ITGA4: variants seen among roughly 807,000 people sequenced by gnomAD.
ITGA4 encodes integrin alpha-4.
Under a neutral mutation model 133.6 loss-of-function variants are expected in ITGA4, and 63 were observed. That is an observed-to-expected ratio of 0.47 (90% CI 0.38 to 0.58). ITGA4 has a LOEUF of 0.58. Among genes scored for constraint, ITGA4 ranks in the 20% least tolerant of loss-of-function variants. The pLI is 0.00. For missense variants in ITGA4, 1,076 were observed against 1,252.7 expected (o/e 0.86, Z 2.13); for synonymous variants, 483 against 438.0 (o/e 1.10, Z -1.28).
rs76334388 is a variant in ITGA4 at position 181,497,723 on chromosome 2, A to T, written c.1541-900A>T. ...AATTACATAAATTCTTTAAACTATC[A>T]CTTATGAATTATTGCCTCTATGTAG... On this transcript the variant is annotated intron_variant, in intron 14 of 27. Transcript: ENST00000397033. 3.4e-3 allele frequency among the ~76,000 whole-genome samples: 516 copies of T among 152,278 alleles called. 2 individuals are homozygous for T. Among genetic ancestry groups the T allele is most frequent in the Non-Finnish European group, 6.1e-3 (418 of 67,998 alleles).
intron 2 of ITGA4, among the ~76,000 whole-genome samples, chr2:181,459,569 A>G (rs1006326613): frequency 2.0e-5 from 3 of 152,240 alleles, no homozygotes; most frequent in African/African-American, 7.2e-5. Flanking sequence ...ATAAAAGTCT[A>G]CGAGTTGTCT....
rs1158959260 is a variant in ITGA4 at position 181,537,916 on chromosome 2, T to C, written c.*2389T>C. ...TTACTGAGTTCCTCCCCCTGTCAGA[T>C]CAGCAGCAGCATTAGATTCTCATAG... On this transcript the variant is annotated 3_prime_UTR_variant, in exon 28 of 28. Coordinates refer to ENST00000397033, the MANE Select transcript of ITGA4 (RefSeq NM_000885.6). The C allele has an allele frequency of 1.7e-6, 1 of 580,336 alleles. No homozygotes were observed. The highest frequency in any genetic ancestry group is 2.2e-5 in the Admixed American group (1 of 46,232). 35.9% of individuals were successfully genotyped at this position (580,336 alleles called of 1,614,324 possible). A position where few individuals can be genotyped will look rare whatever the true frequency, so the allele number is the denominator to read the frequency against.
rs1430601110 is a variant in ITGA4, at chr2:181,490,037, G to T, written c.1154-3288G>T. On this transcript the variant is annotated intron_variant, in intron 10 of 27. Coordinates refer to ENST00000397033, the MANE Select transcript of ITGA4 (RefSeq NM_000885.6). ...TCGTGATTGATTGAGCAAGCAGGGG[G>T]TACGTGACTGGGGGCTGCATGCACC... Among the ~76,000 whole-genome samples the T allele has an allele frequency of 2.6e-5, 4 of 152,120 alleles. No homozygotes were observed. In the East Asian group the frequency reaches 7.7e-4, roughly 29 times the overall value.
intron 4 of ITGA4, chr2:181,476,010 G>A (rs573313693): frequency 2.9e-5 from 31 of 1,087,566 alleles, no homozygotes; most frequent in East Asian, 1.5e-4. Flanking sequence ...CCCTCAGCAC[G>A]CAAAGAAAAA....
In ITGA4 at chr2:181,516,528, T is replaced by G. The variant is rs148392768; in HGVS notation, c.1922+4753T>G. Among the ~76,000 whole-genome samples, 60 of 152,164 alleles carry G rather than the reference T, an allele frequency of 3.9e-4. No individual in the cohort carries two copies. Among genetic ancestry groups the G allele is most frequent in the African/African-American group, 1.3e-3 (53 of 41,534 alleles). ...GCAAAAGTGCTTGGTCATCTTTAAG[T>G]TGCCCTTCCAGGAAGGGCAGTGCCT... On this transcript the variant is annotated intron_variant, in intron 17 of 27. Transcript: ENST00000397033. The surrounding 1 kb of genome is among the most constrained non-coding windows in gnomAD (Gnocchi z 4.0).
At chr2:181,502,504 A>T (rs893782118) in intron 15 of ITGA4, among the ~76,000 whole-genome samples, 5 of 152,150 alleles carry the variant, frequency 3.3e-5, no homozygotes, top group Admixed American at 6.6e-5. Context: ...GATTAAATGT[A>T]CAAGTGAAAG....
At chr2:181,515,473 C>G (rs1686586206) in intron 17 of ITGA4, among the ~76,000 whole-genome samples, 1 of 151,946 alleles carries the variant, frequency 6.6e-6, no homozygotes, top group Non-Finnish European at 1.5e-5. Context: ...GAAACATTGC[C>G]AATTCTATAC....
Position 181,495,226 on chromosome 2 carries a change from G to A in ITGA4, c.1340-145G>A, listed in dbSNP as rs114282226. The stretch of plus-strand genomic sequence containing the variant: ...GATTCAGAGAAAAGTGGAAAGAATC[G>A]TAAGATGTTAGCATATATTCTCTAA... On this transcript the variant is annotated intron_variant, in intron 12 of 27. Coordinates refer to ENST00000397033, the MANE Select transcript of ITGA4 (RefSeq NM_000885.6). The surrounding 1 kb of genome is among the most constrained non-coding windows in gnomAD (Gnocchi z 4.3). The A allele has an allele frequency of 2.6e-4, 160 of 619,126 alleles. No individual in the cohort carries two copies. Among genetic ancestry groups the A allele is most frequent in the Non-Finnish European group, 3.9e-4 (134 of 347,376 alleles). The allele number at this position is 619,126 out of a possible 1,614,324, so 38.4% of individuals were successfully genotyped here.
rs1348956702 is a variant in ITGA4 at position 181,536,566 on chromosome 2, T to C, written c.*1039T>C. The C allele has an allele frequency of 1.4e-5, 1 of 72,160 alleles. No homozygotes were observed. Among genetic ancestry groups the C allele is most frequent in the Admixed American group, 1.4e-4 (1 of 6,910 alleles). 4.5% of individuals were successfully genotyped at this position (72,160 alleles called of 1,614,324 possible). A position where few individuals can be genotyped will look rare whatever the true frequency, so the allele number is the denominator to read the frequency against. On this transcript the variant is annotated 3_prime_UTR_variant, in exon 28 of 28. Transcript: ENST00000397033. ...CCCTTTACAAGTATAAGTGTTACCT[T>C]ACATGGAAACGAAGAAACAAAATTC...
intron 20 of ITGA4, 195 bp downstream of exon 20, chr2:181,524,445 G>C (rs1259594295): frequency 1.1e-5 from 5 of 475,886 alleles, no homozygotes; most frequent in African/African-American, 4.1e-5. Context: ...GCTATGTTAA[G>C]TATTTATTAG....
chr2:181,474,099 A>G (rs1201263871), intron 2 of ITGA4, among the ~76,000 whole-genome samples: 1 of 152,226 alleles, frequency 6.6e-6, no homozygotes, highest in Non-Finnish European at 1.5e-5. Context: ...CAGCAAAAAG[A>G]ATATTAGGAT....
intron 15 of ITGA4, among the ~76,000 whole-genome samples, chr2:181,507,404 AGCTTACCC>A (rs1686415211): frequency 6.6e-6 from 1 of 152,124 alleles, no homozygotes; most frequent in African/African-American, 2.4e-5. Context: ...AAATCTTATT[AGCTTACCC>A]TTTTAGATAA....
chr2:181,498,058 C>T (rs935506435), intron 14 of ITGA4, among the ~76,000 whole-genome samples: 1 of 151,874 alleles, frequency 6.6e-6, no homozygotes, highest in African/African-American at 2.4e-5. Context: ...GACAGATAAT[C>T]AGGGCATAAG....
chr2:181,499,182 A>C (rs970831618), intron 15 of ITGA4, among the ~76,000 whole-genome samples: 2 of 152,136 alleles, frequency 1.3e-5, no homozygotes, highest in African/African-American at 4.8e-5. Context: ...ATACGACTCC[A>C]GCGAAGCAGA....
At chr2:181,502,579 G>A (rs1315333156) in intron 15 of ITGA4, among the ~76,000 whole-genome samples, 1 of 152,100 alleles carries the variant, frequency 6.6e-6, no homozygotes, top group Admixed American at 6.6e-5. Flanking sequence ...CTGGGTAGAT[G>A]TGGTGATGGG....
Position 181,537,510 on chromosome 2 carries a change from A to ATAAC in ITGA4, c.*1986_*1989dup, listed in dbSNP as rs1287443671. 11 of 451,556 alleles carry ATAAC rather than the reference A, an allele frequency of 2.4e-5. No individual in the cohort carries two copies. The highest frequency in any genetic ancestry group is 7.1e-5 in the Admixed American group (3 of 42,308). The allele number at this position is 451,556 out of a possible 1,614,324, so 28.0% of individuals were successfully genotyped here. A position where few individuals can be genotyped will look rare whatever the true frequency, so the allele number is the denominator to read the frequency against. On this transcript the variant is annotated 3_prime_UTR_variant, in exon 28 of 28. Transcript: ENST00000397033. ...TATTCTTTTTTGGCAGGTAGGCTAT[A>ATAAC]TAACTATGTGATTTTGAAATTTAAC...
At chr2:181,493,704 T>G (rs564971642) in intron 11 of ITGA4, among the ~76,000 whole-genome samples, 123 of 152,340 alleles carry the variant, frequency 8.1e-4, no homozygotes, top group African/African-American at 2.9e-3. Context: ...TGAGGTAATA[T>G]CCATATGATT....
chr2:181,511,978 A>G (rs1192609398), intron 17 of ITGA4, among the ~76,000 whole-genome samples: 1 of 152,078 alleles, frequency 6.6e-6, no homozygotes, highest in Non-Finnish European at 1.5e-5. Context: ...AAGTATGACA[A>G]ATTTAAAAAG....
chr2:181,484,682 G>A (rs3755021), intron 9 of ITGA4, among the ~76,000 whole-genome samples: 22,335 of 152,216 alleles, frequency 0.15, 2,044 homozygotes, highest in Middle Eastern at 0.23. Context: ...AATAATCTTA[G>A]AGCTGACCCC....
Sources: allele counts gnomAD v4.1 joint callset (sites outside exome capture counted in the v4.1 genomes callset), GRCh38; gene constraint gnomAD v4.1.1; non-coding constraint Gnocchi (gnomAD v3.1); transcripts MANE v1.5; gene names NCBI Gene and HGNC (gene_info 2026-07-23, HGNC 2026-07-21).